The following TMEM132D variants were observed in gnomAD, a reference collection of about 807,000 sequenced individuals.
The protein encoded by TMEM132D is mature OL transmembrane protein.
In TMEM132D, 21 loss-of-function variants were observed where a neutral mutation model predicts 62.3. The observed-to-expected ratio is 0.34, with a 90% CI of 0.24 to 0.49. TMEM132D has a LOEUF of 0.49. TMEM132D is among the 20% of genes least tolerant of loss of function. The pLI is 0.99. For synonymous variants in TMEM132D, 621 were observed against 575.6 expected, an observed-to-expected ratio of 1.08 and a Z score of -1.13; for missense variants, 1,346 against 1,402.8, an observed-to-expected ratio of 0.96 and a Z score of 0.65.
At chr12:129,230,617 A>G (rs1455672465) in intron 4 of TMEM132D, among the ~76,000 whole-genome samples, 2 of 152,218 alleles carry the variant, frequency 1.3e-5, no homozygotes, top group African/African-American at 2.4e-5. Flanking sequence ...ACCACACCCT[A>G]GAAGATGATC....
chr12:129,663,951 AC>A lies in TMEM132D; in HGVS notation c.968+35858del, dbSNP rs200288500. On this transcript the variant is annotated intron_variant, in intron 2 of 8. Coordinates refer to ENST00000422113, the MANE Select transcript of TMEM132D (RefSeq NM_133448.3). Reference sequence around the variant, plus strand: ...AGCCATTATTCTCAAATTAGGAAAAACAAAATCACTGTTTGGGGGCTCTTTA... The same window carrying A: ...AGCCATTATTCTCAAATTAGGAAAAAAAAATCACTGTTTGGGGGCTCTTTA... Among the ~76,000 whole-genome samples, 289 of 151,304 alleles carry A rather than the reference AC, an allele frequency of 1.9e-3. 4 individuals are homozygous for A. In the East Asian group the frequency reaches 0.045, roughly 23 times the overall value.
chr12:129,767,922 G>A (rs1189719527), intron 1 of TMEM132D, among the ~76,000 whole-genome samples: 1 of 152,188 alleles, frequency 6.6e-6, no homozygotes, highest in Non-Finnish European at 1.5e-5. Flanking sequence ...GCAAGGAGGA[G>A]CAAAGGCACA....
chr12:129,642,305 G>T (rs983409463), intron 2 of TMEM132D, among the ~76,000 whole-genome samples: 1 of 152,188 alleles, frequency 6.6e-6, no homozygotes, highest in Admixed American at 6.5e-5. Flanking sequence ...AAGGCCAAGG[G>T]CCCTGGCAGG....
intron 4 of TMEM132D, among the ~76,000 whole-genome samples, chr12:129,251,460 C>G (rs1164037712): frequency 6.6e-6 from 1 of 151,712 alleles, no homozygotes; most frequent in Non-Finnish European, 1.5e-5. Flanking sequence ...TATCATATCC[C>G]TTACCCGAGG....
rs73434121 is a variant in TMEM132D, at chr12:129,704,462, T to C, written c.80-3764A>G. Among the ~76,000 whole-genome samples the C allele has an allele frequency of 9.2e-3, 1,399 of 152,334 alleles. 27 individuals carry two copies. The highest frequency in any genetic ancestry group is 0.031 in the African/African-American group (1,297 of 41,580). On this transcript the variant is annotated intron_variant, in intron 1 of 8. Coordinates refer to ENST00000422113, the MANE Select transcript of TMEM132D (RefSeq NM_133448.3). The stretch of plus-strand genomic sequence containing the variant: ...GAAAGCCCTAAAACATCAAGGCGTC[T>C]TGCTGATGCTGTTCTTCCCTAACAG...
intron 3 of TMEM132D, among the ~76,000 whole-genome samples, chr12:129,374,705 C>T (rs1870732404): frequency 6.6e-6 from 1 of 152,138 alleles, no homozygotes; most frequent in Non-Finnish European, 1.5e-5. Flanking sequence ...TTCCACGTGG[C>T]CAGCAAGGAC....
At chr12:129,701,306 T>A (rs1567509) in intron 1 of TMEM132D, among the ~76,000 whole-genome samples, 135,818 of 152,242 alleles carry the variant, frequency 0.89, 61,491 homozygotes, top group Non-Finnish European at 0.98. Flanking sequence ...ACATGGACAG[T>A]GGACACCCGC....
chr12:129,281,821 G>A (rs1390370958), intron 4 of TMEM132D, among the ~76,000 whole-genome samples: 2 of 152,116 alleles, frequency 1.3e-5, no homozygotes, highest in African/African-American at 2.4e-5. Context: ...TACCTGGGAG[G>A]TTATGGCTCC....
At chr12:129,502,423 G>T (rs1875179568) in intron 3 of TMEM132D, among the ~76,000 whole-genome samples, 2 of 152,156 alleles carry the variant, frequency 1.3e-5, no homozygotes, top group African/African-American at 4.8e-5. Context: ...ACTGCAGCAT[G>T]CTGTATAGGA....
At chr12:129,780,348 GC>G (rs1555231290) in intron 1 of TMEM132D, among the ~76,000 whole-genome samples, 2 of 136,248 alleles carry the variant, frequency 1.5e-5, no homozygotes, top group Admixed American at 7.8e-5. Context: ...GAGGGGGGGG[GC>G]CGGGGGGGCA....
In TMEM132D at chr12:129,089,031, C is replaced by A. The variant is rs1443489927; in HGVS notation, c.1444-4329G>T. On this transcript the variant is annotated intron_variant, in intron 5 of 8. Transcript: ENST00000422113. Reference sequence around the variant, plus strand: ...GGGATGTCCTCCATGACCGGGTGTCCTCCCTGACCGGGATGTCCTCCATGA... The same window carrying A: ...GGGATGTCCTCCATGACCGGGTGTCATCCCTGACCGGGATGTCCTCCATGA... 7.0e-5 allele frequency among the ~76,000 whole-genome samples: 3 copies of A among 43,006 alleles called. 1 individual carries two copies. Among genetic ancestry groups the A allele is most frequent in the African/African-American group, 5.9e-4 (3 of 5,082 alleles). The allele number at this position is 43,006 out of a possible 152,430, so 28.2% of individuals were successfully genotyped here.
At chr12:129,176,990 G>T (rs181767498) in intron 5 of TMEM132D, among the ~76,000 whole-genome samples, 123 of 152,316 alleles carry the variant, frequency 8.1e-4, no homozygotes, top group African/African-American at 2.9e-3. Flanking sequence ...TCTTGACCGC[G>T]CTTCAGGCTG....
At chr12:129,108,534 GCTCAGGTGAAT>G (rs1875577468) in intron 5 of TMEM132D, among the ~76,000 whole-genome samples, 1 of 152,134 alleles carries the variant, frequency 6.6e-6, no homozygotes, top group African/African-American at 2.4e-5. Context: ...AGATGACTCG[GCTCAGGTGAAT>G]CCTCCCCAAA....
At chr12:129,604,590 C>A (rs1188758170) in intron 2 of TMEM132D, among the ~76,000 whole-genome samples, 1 of 152,102 alleles carries the variant, frequency 6.6e-6, no homozygotes, top group Non-Finnish European at 1.5e-5. Flanking sequence ...CCAGACCTGA[C>A]CCAACTTTCC....
intron 5 of TMEM132D, among the ~76,000 whole-genome samples, chr12:129,186,469 C>G (rs1443506705): frequency 6.6e-6 from 1 of 152,220 alleles, no homozygotes; most frequent in African/African-American, 2.4e-5. Context: ...TGCACCTCCC[C>G]ACTTGACCCT....
chr12:129,273,359 A>G (rs1229565136), intron 4 of TMEM132D, among the ~76,000 whole-genome samples: 3 of 151,422 alleles, frequency 2.0e-5, no homozygotes, highest in Non-Finnish European at 4.4e-5. Flanking sequence ...AACTTAAGGA[A>G]CTTAAAACAG....
At chr12:129,573,126 A>T (rs1877563851) in intron 2 of TMEM132D, among the ~76,000 whole-genome samples, 1 of 152,196 alleles carries the variant, frequency 6.6e-6, no homozygotes, top group South Asian at 2.1e-4. Context: ...GTGACTGCAC[A>T]GCCAGGGGCA....
chr12:129,572,506 T>A (rs537202362), intron 2 of TMEM132D, among the ~76,000 whole-genome samples: 1 of 152,312 alleles, frequency 6.6e-6, no homozygotes, highest in East Asian at 1.9e-4. Context: ...TGGAGTGCAG[T>A]GGCACAATCT....
At chr12:129,103,474 C>G (rs1875382404) in intron 5 of TMEM132D, among the ~76,000 whole-genome samples, 1 of 151,548 alleles carries the variant, frequency 6.6e-6, no homozygotes, top group South Asian at 2.1e-4. Flanking sequence ...GGAGGGAGCC[C>G]CATCCAGACA....
Sources: gnomAD v4.1 joint callset for allele counts (sites outside exome capture counted in the v4.1 genomes callset) on GRCh38, gnomAD v4.1.1 for gene constraint, MANE v1.5 for transcripts, NCBI Gene and HGNC (gene_info 2026-07-23, HGNC 2026-07-21) for gene names.